The following PLD5 variants were observed in gnomAD, a reference collection of about 807,000 sequenced individuals.
PLD5 encodes the protein inactive phospholipase D5.
A neutral mutation model predicts 61.1 loss-of-function variants in PLD5; 36 were observed. The ratio of observed to expected loss-of-function variants is 0.59; its 90% confidence interval spans 0.45 to 0.78. The LOEUF (loss-of-function observed/expected upper bound fraction) is 0.78. PLD5 is among the 30% of genes least tolerant of loss of function. The probability of loss-of-function intolerance (pLI) is 0.00; values close to 1 mark genes in which losing one functional copy is unlikely to be tolerated. For missense variants in PLD5, 515 were observed against 644.4 expected (o/e 0.80, Z 2.17); for synonymous variants, 243 against 242.8 (o/e 1.00, Z -0.01).
At chr1:242,195,898 T>G (rs1275080947) in intron 5 of PLD5, among the ~76,000 whole-genome samples, 1 of 152,194 alleles carries the variant, frequency 6.6e-6, no homozygotes, top group African/African-American at 2.4e-5. Context: ...AGTTAACTCA[T>G]GTAAACTCAA....
At chr1:242,189,563 C>T (rs751149497) in intron 5 of PLD5, among the ~76,000 whole-genome samples, 1 of 147,240 alleles carries the variant, frequency 6.8e-6, no homozygotes, top group Non-Finnish European at 1.5e-5. Flanking sequence ...GTTCTAGACA[C>T]ATAGGGCCAT....
At chr1:242,499,439 T>C (rs941676985) in intron 1 of PLD5, among the ~76,000 whole-genome samples, 4 of 152,234 alleles carry the variant, frequency 2.6e-5, no homozygotes, top group African/African-American at 9.6e-5. Flanking sequence ...TTTCTCTATC[T>C]ATATCTTCAT....
chr1:242,402,515 T>C (rs186902343), intron 1 of PLD5, among the ~76,000 whole-genome samples: 115 of 152,330 alleles, frequency 7.5e-4, no homozygotes, highest in Middle Eastern at 6.8e-3. Flanking sequence ...GCCTACCTTA[T>C]ACAATATTTA....
chr1:242,250,382 G>A (rs1672634149), intron 4 of PLD5, among the ~76,000 whole-genome samples: 1 of 152,194 alleles, frequency 6.6e-6, no homozygotes, highest in Non-Finnish European at 1.5e-5. Flanking sequence ...CAGAGAGAGG[G>A]AAGCCCTGGA....
At chr1:242,515,219 T>TGTGA (rs796268002) in intron 1 of PLD5, among the ~76,000 whole-genome samples, 6 of 150,724 alleles carry the variant, frequency 4.0e-5, no homozygotes, top group African/African-American at 7.3e-5. Flanking sequence ...TGTGTGTGTG[T>TGTGA]GAGAGAGAGA....
chr1:242,457,905 T>C (rs1473353383), intron 1 of PLD5, among the ~76,000 whole-genome samples: 2 of 152,244 alleles, frequency 1.3e-5, no homozygotes, highest in Non-Finnish European at 2.9e-5. Flanking sequence ...GAGGTCTATG[T>C]TAATGACAGT....
At chr1:242,316,103 T>C (rs1408538954) in intron 2 of PLD5, among the ~76,000 whole-genome samples, 1 of 152,234 alleles carries the variant, frequency 6.6e-6, no homozygotes, top group African/African-American at 2.4e-5. Context: ...ACAGGATTTA[T>C]GTAAGGAGTA....
At chr1:242,222,849 A>C (rs1385786088) in intron 4 of PLD5, among the ~76,000 whole-genome samples, 2 of 152,258 alleles carry the variant, frequency 1.3e-5, no homozygotes, top group African/African-American at 4.8e-5. Context: ...ATGATGCCTA[A>C]AATTATTTTA....
intron 1 of PLD5, among the ~76,000 whole-genome samples, chr1:242,507,973 C>T (rs1668779723): frequency 6.9e-6 from 1 of 144,010 alleles, no homozygotes; most frequent in Non-Finnish European, 1.5e-5. Context: ...GTCGTTTTCT[C>T]AGTAAAGACT....
chr1:242,197,667 C>G (rs868476687), intron 5 of PLD5, among the ~76,000 whole-genome samples: 18 of 149,632 alleles, frequency 1.2e-4, no homozygotes, highest in South Asian at 2.1e-4. Flanking sequence ...CGGAGCCTTG[C>G]TCTGTCCCCC....
chr1:242,483,728 C>T (rs1009371798), intron 1 of PLD5, among the ~76,000 whole-genome samples: 2 of 152,196 alleles, frequency 1.3e-5, no homozygotes, highest in Non-Finnish European at 2.9e-5. Flanking sequence ...ATCTACAGAA[C>T]TCTCCACCCC....
At chr1:242,507,259 T>A (rs1668758374) in intron 1 of PLD5, among the ~76,000 whole-genome samples, 1 of 152,202 alleles carries the variant, frequency 6.6e-6, no homozygotes, top group South Asian at 2.1e-4. Flanking sequence ...ATGTATTTGG[T>A]CTAAATTTTT....
At chr1:242,196,941 AT>A (rs1668672101) in intron 5 of PLD5, among the ~76,000 whole-genome samples, 1 of 152,000 alleles carries the variant, frequency 6.6e-6, no homozygotes, top group Admixed American at 6.6e-5. Context: ...TATTATTATT[AT>A]TTTTTAGAGA....
intron 1 of PLD5, among the ~76,000 whole-genome samples, chr1:242,409,882 C>T (rs112668883): frequency 0.033 from 5,023 of 152,266 alleles, 293 homozygotes; most frequent in African/African-American, 0.11. Context: ...ACACGGGAAT[C>T]GCCATGTTTG....
chr1:242,306,452 T>C (rs1196402887), intron 2 of PLD5, among the ~76,000 whole-genome samples: 2 of 152,086 alleles, frequency 1.3e-5, no homozygotes, highest in African/African-American at 4.8e-5. Context: ...CGGATATCCC[T>C]TGACTGAAAA....
chr1:242,483,609 G>A (rs965184406), intron 1 of PLD5, among the ~76,000 whole-genome samples: 60 of 152,190 alleles, frequency 3.9e-4, no homozygotes, highest in African/African-American at 1.3e-3. Context: ...CAGTAATAAT[G>A]GGAGACTTTA....
chr1:242,179,269 A>T (rs1170471618), intron 5 of PLD5, among the ~76,000 whole-genome samples: 1 of 152,198 alleles, frequency 6.6e-6, no homozygotes, highest in East Asian at 1.9e-4. Flanking sequence ...CAAGGCAGTG[A>T]AATAATGAGG....
At chr1:242,165,258 A>G (rs558400237) in intron 5 of PLD5, among the ~76,000 whole-genome samples, 15 of 152,204 alleles carry the variant, frequency 9.9e-5, no homozygotes, top group Non-Finnish European at 2.2e-4. Context: ...AGAACAAGCT[A>G]CTTTTACCAT....
chr1:242,489,179 AC>A (rs1021002796), intron 1 of PLD5, among the ~76,000 whole-genome samples: 1 of 152,086 alleles, frequency 6.6e-6, no homozygotes, highest in African/African-American at 2.4e-5. Context: ...AGTGACAGAA[AC>A]CAGATCAGTG....
Sources: gnomAD v4.1 joint callset for allele counts (sites outside exome capture counted in the v4.1 genomes callset) on GRCh38, gnomAD v4.1.1 for gene constraint, MANE v1.5 for transcripts, NCBI Gene and HGNC (gene_info 2026-07-23, HGNC 2026-07-21) for gene names.